CFAP20DC: variants seen among roughly 807,000 people sequenced by gnomAD.
CFAP20DC encodes the protein protein CFAP20DC.
CFAP20DC carries 84 observed loss-of-function variants against 101.7 expected under a neutral mutation model. The ratio of observed to expected loss-of-function variants is 0.83; its 90% confidence interval spans 0.69 to 0.99. The LOEUF (loss-of-function observed/expected upper bound fraction) is 0.99, where lower values mean the gene tolerates loss of function less well. CFAP20DC is among the 50% of genes least tolerant of loss of function. The probability of loss-of-function intolerance (pLI) is 0.00; values close to 1 mark genes in which losing one functional copy is unlikely to be tolerated. For synonymous variants in CFAP20DC, 359 were observed against 351.2 expected (o/e 1.02, Z -0.25); for missense variants, 1,007 against 970.3 (o/e 1.04, Z -0.50).
At chr3:59,041,941 A>G (rs1474615857) in intron 3 of CFAP20DC, among the ~76,000 whole-genome samples, 2 of 152,138 alleles carry the variant, frequency 1.3e-5, no homozygotes, top group African/African-American at 2.4e-5. Context: ...ACAAGACTCA[A>G]TGCTGAAGTT....
intron 15 of CFAP20DC, among the ~76,000 whole-genome samples, chr3:58,791,999 T>A (rs2072899899): frequency 6.6e-6 from 1 of 152,158 alleles, no homozygotes; most frequent in African/African-American, 2.4e-5. Flanking sequence ...TCTGGAGAGC[T>A]GGGAATATTT....
At chr3:58,837,467 CAG>C (rs2076817071) in intron 13 of CFAP20DC, among the ~76,000 whole-genome samples, 1 of 152,118 alleles carries the variant, frequency 6.6e-6, no homozygotes, top group Non-Finnish European at 1.5e-5. Flanking sequence ...CGAATAGTGA[CAG>C]GGAGGGAGCA....
chr3:58,786,139 C>T (rs114713298), intron 15 of CFAP20DC, among the ~76,000 whole-genome samples: 1,602 of 152,270 alleles, frequency 0.011, 32 homozygotes, highest in African/African-American at 0.037. Flanking sequence ...ACTCGTTTTT[C>T]TCTTGCTAAT....
chr3:59,042,177 C>T (rs1000723437), intron 3 of CFAP20DC, among the ~76,000 whole-genome samples: 2 of 151,882 alleles, frequency 1.3e-5, no homozygotes, highest in Non-Finnish European at 2.9e-5. Context: ...GAGGAACAAA[C>T]GTTGCTGGCA....
At chr3:58,760,459 A>G (rs1398342408) in intron 15 of CFAP20DC, among the ~76,000 whole-genome samples, 1 of 152,168 alleles carries the variant, frequency 6.6e-6, no homozygotes, top group Non-Finnish European at 1.5e-5. Flanking sequence ...TTTTCTAGAT[A>G]TACAATCATG....
intron 6 of CFAP20DC, among the ~76,000 whole-genome samples, chr3:58,895,636 A>G (rs1053150793): frequency 3.3e-5 from 5 of 152,192 alleles, no homozygotes; most frequent in African/African-American, 9.7e-5. Flanking sequence ...GTTAGTTCCA[A>G]AGTTGTTTCT....
At position 59,046,954 on chromosome 3, in the gene CFAP20DC, T is replaced by C. The variant is rs976217337; in HGVS notation, c.111+211A>G. On this transcript the variant is annotated intron_variant, in intron 2 of 16. Coordinates refer to ENST00000482387, the MANE Select transcript of CFAP20DC (RefSeq NM_001394063.1). ...ATCTAAAATGATACACAGCAGGGCA[T>C]GGAGTACATAGAAGGGTTATGACCT... Among the ~76,000 whole-genome samples the C allele has an allele frequency of 5.3e-5, 8 of 152,264 alleles. No homozygotes were observed. In the South Asian group the frequency reaches 1.2e-3, roughly 24 times the overall value.
intron 14 of CFAP20DC, among the ~76,000 whole-genome samples, chr3:58,814,513 T>G (rs12638612): frequency 0.056 from 8,381 of 150,794 alleles, 523 homozygotes; most frequent in East Asian, 0.35. Flanking sequence ...CCAGGGCAAT[T>G]AGGCAGGAGA....
intron 4 of CFAP20DC, among the ~76,000 whole-genome samples, chr3:58,989,509 C>G (rs142580438): frequency 6.6e-6 from 1 of 152,004 alleles, no homozygotes; most frequent in African/African-American, 2.4e-5. Flanking sequence ...CCAAAGATTT[C>G]AAGATTCATT....
intron 4 of CFAP20DC, among the ~76,000 whole-genome samples, chr3:59,011,746 A>T (rs1216666391): frequency 6.6e-6 from 1 of 152,192 alleles, no homozygotes; most frequent in East Asian, 1.9e-4. Flanking sequence ...AATTAGAAAT[A>T]AAACAGGAGA....
intron 15 of CFAP20DC, among the ~76,000 whole-genome samples, chr3:58,770,009 C>T (rs1284354456): frequency 6.6e-6 from 1 of 152,204 alleles, no homozygotes; most frequent in Non-Finnish European, 1.5e-5. Flanking sequence ...TCTCTATACT[C>T]TATTAAATAT....
At chr3:58,843,558 G>A (rs919177296) in intron 13 of CFAP20DC, among the ~76,000 whole-genome samples, 1 of 151,950 alleles carries the variant, frequency 6.6e-6, no homozygotes, top group Non-Finnish European at 1.5e-5. Flanking sequence ...GAAAGTAATG[G>A]GGAGAATGGA....
At chr3:59,034,514 T>C (rs1186362440) in intron 4 of CFAP20DC, among the ~76,000 whole-genome samples, 1 of 151,500 alleles carries the variant, frequency 6.6e-6, no homozygotes, top group Non-Finnish European at 1.5e-5. Context: ...ACCAAGAAAA[T>C]GGAAAGAAAA....
chr3:58,996,734 C>T (rs1407896960), intron 4 of CFAP20DC, among the ~76,000 whole-genome samples: 1 of 152,158 alleles, frequency 6.6e-6, no homozygotes, highest in Non-Finnish European at 1.5e-5. Context: ...AAGAATTTTC[C>T]AAAGAAGGAA....
chr3:58,830,829 T>G (rs2076348343), intron 14 of CFAP20DC, among the ~76,000 whole-genome samples: 1 of 152,246 alleles, frequency 6.6e-6, no homozygotes, highest in East Asian at 1.9e-4. Flanking sequence ...TCTAGGTACT[T>G]AAAGAAATGG....
chr3:58,950,362 AC>A (rs2089956120), intron 4 of CFAP20DC, among the ~76,000 whole-genome samples: 1 of 152,134 alleles, frequency 6.6e-6, no homozygotes, highest in South Asian at 2.1e-4. Context: ...TTCAATGCCA[AC>A]CCCATCAAGC....
chr3:58,857,854 T>C lies in CFAP20DC; in HGVS notation c.1593+5704A>G, dbSNP rs191985410. ...CCCTATTCCTCTCTTTGCATTGTTA[T>C]GAGAAGAAGAGGCATGCTTTTGCCT... On this transcript the variant is annotated intron_variant, in intron 12 of 16. Coordinates refer to ENST00000482387, the MANE Select transcript of CFAP20DC (RefSeq NM_001394063.1). Among the ~76,000 whole-genome samples the C allele has an allele frequency of 6.6e-3, 1,000 of 152,284 alleles. 5 individuals are homozygous for C. The highest frequency in any genetic ancestry group is 0.01 in the Non-Finnish European group (691 of 68,008).
chr3:58,992,855 G>T (rs1045999155), intron 4 of CFAP20DC, among the ~76,000 whole-genome samples: 1 of 151,836 alleles, frequency 6.6e-6, no homozygotes, highest in African/African-American at 2.4e-5. Context: ...CAAAAAAGGG[G>T]AAAGCTTATT....
intron 4 of CFAP20DC, among the ~76,000 whole-genome samples, chr3:58,961,422 C>T (rs960477674): frequency 2.0e-5 from 3 of 152,118 alleles, no homozygotes; most frequent in East Asian, 1.9e-4. Context: ...GATGTGGTGG[C>T]GGGTGTCTAT....
Sources: gnomAD v4.1 joint callset for allele counts (sites outside exome capture counted in the v4.1 genomes callset) on GRCh38, gnomAD v4.1.1 for gene constraint, MANE v1.5 for transcripts, NCBI Gene and HGNC (gene_info 2026-07-23, HGNC 2026-07-21) for gene names.